The following WFDC13 variants were observed in gnomAD, a reference collection of about 807,000 sequenced individuals.
WFDC13 encodes WAP four-disulfide core domain protein 13.
WFDC13 carries 6 observed loss-of-function variants against 10.9 expected under a neutral mutation model. The ratio of observed to expected loss-of-function variants is 0.55; its 90% CI spans 0.30 to 1.09. WFDC13 has a LOEUF of 1.09. Ranked by LOEUF, WFDC13 falls within the 50% of genes least tolerant of loss-of-function variation. The pLI, the probability that WFDC13 is intolerant of heterozygous loss-of-function variation, is 0.06. For missense variants in WFDC13, 104 were observed against 109.6 expected, an observed-to-expected ratio of 0.95 and a Z score of 0.23; for synonymous variants, 38 against 39.5, an observed-to-expected ratio of 0.96 and a Z score of 0.14.
intron 1 of WFDC13, among the ~76,000 whole-genome samples, chr20:45,703,633 T>G (rs1434436669): frequency 1.3e-5 from 2 of 151,994 alleles, no homozygotes; most frequent in African/African-American, 2.4e-5. Flanking sequence ...AGTCCAGGAA[T>G]AGAAAGGAGA....
Position 45,705,880 on chromosome 20 carries a change from C to T in WFDC13, c.257C>T (p.Ser86Leu). The change falls in exon 3 of 4, where the codon TCA (serine) becomes TTA (leucine). Residue 86 changes from serine to leucine, a missense_variant. By Grantham distance (145) the Ser-to-Leu change is moderately radical. Coordinates refer to ENST00000305479, the MANE Select transcript of WFDC13 (RefSeq NM_172005.2). ...TTCTACAGAATCAAACACAAGGGCTCAGAAGTCATCATGCCTGCCAACTGA... is the reference window on the plus strand; with the variant it reads ...TTCTACAGAATCAAACACAAGGGCTTAGAAGTCATCATGCCTGCCAACTGA... Reference protein sequence around the residue: ...QKRNRIKHKGSEVIMPAN With the variant: ...QKRNRIKHKGLEVIMPAN 1 of 1,614,014 alleles carries T rather than the reference C, an allele frequency of 6.2e-7. No homozygotes were observed. Among genetic ancestry groups the T allele is most frequent in the Non-Finnish European group, 8.5e-7 (1 of 1,179,966 alleles).
chr20:45,703,672 T>C (rs1174684652), intron 1 of WFDC13, among the ~76,000 whole-genome samples: 1 of 152,060 alleles, frequency 6.6e-6, no homozygotes, highest in Non-Finnish European at 1.5e-5. Context: ...GGGAAGACTC[T>C]CCCAGGGCAG....
At chr20:45,703,946 G>T (rs1323175906) in intron 1 of WFDC13, among the ~76,000 whole-genome samples, 1 of 152,118 alleles carries the variant, frequency 6.6e-6, no homozygotes, top group Non-Finnish European at 1.5e-5. Flanking sequence ...TCAGTTTAAT[G>T]CATGGTCTTC....
At chr20:45,706,215 A>T (rs1984386421) in intron 3 of WFDC13, among the ~76,000 whole-genome samples, 1 of 152,192 alleles carries the variant, frequency 6.6e-6, no homozygotes, top group African/African-American at 2.4e-5. Flanking sequence ...TCAAGGAACA[A>T]GCTCTTCTAG....
chr20:45,704,882 G>T, intron 2 of WFDC13: 1 of 1,604,606 alleles, frequency 6.2e-7, no homozygotes, highest in South Asian at 1.1e-5. Context: ...ACCTTCCCCC[G>T]ACCCAGAATC....
chr20:45,705,924 T>G lies in WFDC13; in HGVS notation c.*19T>G. ...CAACTGAGGCATATTTCCTAGATCA[T>G]TTTGTAAGTACAGGGATTTGGTCTC... On this transcript the variant is annotated 3_prime_UTR_variant, in exon 3 of 4. Coordinates refer to ENST00000305479, the MANE Select transcript of WFDC13 (RefSeq NM_172005.2). 2 of 1,613,836 alleles carry G rather than the reference T, an allele frequency of 1.2e-6. No homozygotes were observed. Among genetic ancestry groups the G allele is most frequent in the East Asian group, 2.2e-5 (1 of 44,886 alleles).
At chr20:45,705,248 C>G in intron 2 of WFDC13, 1 of 495,106 alleles carries the variant, frequency 2.0e-6, no homozygotes. Flanking sequence ...CTTGTTTTTT[C>G]CTGCTTTGCA....
At chr20:45,706,628 T>C (rs1410653358) in intron 3 of WFDC13, among the ~76,000 whole-genome samples, 1 of 152,086 alleles carries the variant, frequency 6.6e-6, no homozygotes, top group East Asian at 1.9e-4. Context: ...AAAAATTAGT[T>C]GGGTGTGATG....
At chr20:45,703,317 T>C (rs770860084) in intron 1 of WFDC13, among the ~76,000 whole-genome samples, 7 of 152,092 alleles carry the variant, frequency 4.6e-5, no homozygotes, top group Non-Finnish European at 7.4e-5. Flanking sequence ...TGAGTACTAG[T>C]TATTGGTCTC....
rs754638035 is a variant in WFDC13, at chr20:45,705,865, T to C, written c.242T>C (p.Ile81Thr). 2 of 1,613,808 alleles carry C rather than the reference T, an allele frequency of 1.2e-6. No homozygotes were observed. Among genetic ancestry groups the C allele is most frequent in the East Asian group, 4.5e-5 (2 of 44,888 alleles). ...SSETFQKRNR[I>T]KHKGSEVIMP... ...TTGAAAATATTTTTCTTCTACAGAATCAAACACAAGGGCTCAGAAGTCATC... is the reference window on the plus strand; with the variant it reads ...TTGAAAATATTTTTCTTCTACAGAACCAAACACAAGGGCTCAGAAGTCATC... Residue 81 changes from isoleucine (I) to threonine (T), a missense_variant and splice_region_variant, in exon 3 of 4, where the codon ATC becomes ACC. Ile to Thr is a moderately conservative substitution (Grantham distance 89). Coordinates refer to ENST00000305479, the MANE Select transcript of WFDC13 (RefSeq NM_172005.2).
intron 2 of WFDC13, chr20:45,704,801 A>C: frequency 7.7e-7 from 1 of 1,294,806 alleles, no homozygotes; most frequent in African/African-American, 1.5e-5. Flanking sequence ...CAATCACCAC[A>C]TCCCATCACC....
chr20:45,703,135 C>T (rs1984234825), intron 1 of WFDC13, among the ~76,000 whole-genome samples: 1 of 152,146 alleles, frequency 6.6e-6, no homozygotes. Flanking sequence ...AAGTTGGGAC[C>T]AGATACCCAG....
chr20:45,702,221 G>A lies in WFDC13; in HGVS notation c.88+10G>A. 3 of 1,609,250 alleles carry A rather than the reference G, an allele frequency of 1.9e-6. No individual in the cohort carries two copies. Among genetic ancestry groups the A allele is most frequent in the East Asian group, 2.2e-5 (1 of 44,694 alleles). ...AAGCAGCGTGTTCTGAGTAGGTGCTGGATCTGGGCCCAAGGAGGGAAGTAA... is the reference window on the plus strand; with the variant it reads ...AAGCAGCGTGTTCTGAGTAGGTGCTAGATCTGGGCCCAAGGAGGGAAGTAA... On this transcript the variant is annotated intron_variant, in intron 1 of 3. Transcript: ENST00000305479.
At chr20:45,706,217 C>T (rs548166062) in intron 3 of WFDC13, among the ~76,000 whole-genome samples, 4 of 152,304 alleles carry the variant, frequency 2.6e-5, no homozygotes, top group African/African-American at 9.6e-5. Context: ...AAGGAACAAG[C>T]TCTTCTAGCC....
intron 3 of WFDC13, among the ~76,000 whole-genome samples, chr20:45,707,483 TTCAA>T (rs1239928164): frequency 6.6e-6 from 1 of 152,182 alleles, no homozygotes; most frequent in African/African-American, 2.4e-5. Context: ...AAATAAAATA[TTCAA>T]TCAGTTCCTT....
chr20:45,705,708 G>T (rs996525900), intron 2 of WFDC13, among the ~76,000 whole-genome samples, 155 bp from the exon 3 acceptor site: 22 of 152,062 alleles, frequency 1.4e-4, no homozygotes, highest in African/African-American at 5.3e-4. Flanking sequence ...ATAACTCTTT[G>T]GTGTCATTGA....
chr20:45,707,792 T>A (rs1329755511), intron 3 of WFDC13, 66 bp from the exon 4 acceptor site: 1 of 152,182 alleles, frequency 6.6e-6, no homozygotes, highest in East Asian at 1.9e-4. Flanking sequence ...AGACCCAACA[T>A]GATGTCCAAG....
chr20:45,702,760 A>G (rs1237409295), intron 1 of WFDC13, among the ~76,000 whole-genome samples: 1 of 152,246 alleles, frequency 6.6e-6, no homozygotes, highest in Non-Finnish European at 1.5e-5. Context: ...GGGACAGTGT[A>G]GAGTCCATCT....
In WFDC13 at chr20:45,707,032, C is replaced by T. The variant is rs927028446; in HGVS notation, c.*23-826C>T. Among the ~76,000 whole-genome samples the T allele has an allele frequency of 4.4e-4, 67 of 152,266 alleles. 1 individual carries two copies. The highest frequency in any genetic ancestry group is 1.5e-3 in the African/African-American group (63 of 41,544). On this transcript the variant is annotated intron_variant, in intron 3 of 3. Coordinates refer to ENST00000305479, the MANE Select transcript of WFDC13 (RefSeq NM_172005.2). The stretch of plus-strand genomic sequence containing the variant: ...CTTTTATTAACCCTGTACAAAGGAG[C>T]GTGATAAATAGTAGCAGGTGGAGGC...
Sources: gnomAD v4.1 joint callset for allele counts (sites outside exome capture counted in the v4.1 genomes callset) on GRCh38, gnomAD v4.1.1 for gene constraint, MANE v1.5 for transcripts, NCBI Gene and HGNC (gene_info 2026-07-23, HGNC 2026-07-21) for gene names.